The following DCLK3 variants were observed in gnomAD, a reference collection of about 807,000 sequenced individuals.
The protein encoded by DCLK3 is serine/threonine-protein kinase DCLK3.
Under a neutral mutation model 46.4 loss-of-function variants are expected in DCLK3, and 30 were observed. The observed-to-expected ratio is 0.65, with a 90% CI of 0.48 to 0.88. The LOEUF is 0.88. Among genes scored for constraint, DCLK3 ranks in the 40% least tolerant of loss-of-function variants. DCLK3 has a pLI of 0.00. For synonymous variants in DCLK3, 401 were observed against 339.2 expected, an observed-to-expected ratio of 1.18 and a Z score of -2.00; for missense variants, 846 against 907.1, an observed-to-expected ratio of 0.93 and a Z score of 0.87.
chr3:36,736,407 G>T (rs564647753), intron 2 of DCLK3, among the ~76,000 whole-genome samples: 1 of 152,282 alleles, frequency 6.6e-6, no homozygotes, highest in Admixed American at 6.5e-5. Context: ...TCTGCATTTG[G>T]ACATCAGTAT....
rs200297338 is a variant in DCLK3, at chr3:36,737,346, G to A, written c.1821C>T (p.Asp607=). The change falls in exon 2 of 5, where the codon GAC becomes GAT. Residue 607 remains aspartate (D), a synonymous_variant. Coordinates refer to ENST00000636136, the MANE Select transcript of DCLK3 (RefSeq NM_001394672.2). The surrounding 1 kb of genome is among the most constrained non-coding windows in gnomAD (Gnocchi z 4.4). ...YLILEYVQGG[D]LFDAIIESVK... is the part of the protein sequence containing the mutation. ...CACTTTCTATGATGGCGTCAAAAAGGTCTCCTCCCTGCACGTACTCCAGGA... is the reference window on the plus strand; with the variant it reads ...CACTTTCTATGATGGCGTCAAAAAGATCTCCTCCCTGCACGTACTCCAGGA... The A allele has an allele frequency of 1.2e-5, 19 of 1,614,106 alleles. No individual in the cohort carries two copies. Among genetic ancestry groups the A allele is most frequent in the Admixed American group, 1.7e-5 (1 of 60,014 alleles).
chr3:36,731,876 T>C (rs1468446828), intron 2 of DCLK3, among the ~76,000 whole-genome samples: 1 of 152,188 alleles, frequency 6.6e-6, no homozygotes, highest in Non-Finnish European at 1.5e-5. Context: ...AGGGTTTCTG[T>C]TGCAATTAGA....
intron 4 of DCLK3, among the ~76,000 whole-genome samples, chr3:36,717,556 T>C (rs1222803195): frequency 1.3e-5 from 2 of 152,208 alleles, no homozygotes; most frequent in Non-Finnish European, 2.9e-5. Context: ...GGGAGGACCA[T>C]GCATGCTCCA....
At chr3:36,735,140 C>T (rs1701245860) in intron 2 of DCLK3, among the ~76,000 whole-genome samples, 1 of 152,146 alleles carries the variant, frequency 6.6e-6, no homozygotes, top group African/African-American at 2.4e-5. Context: ...CCTCAGGCCT[C>T]GAAAGGGATC....
At chr3:36,745,486 C>T (rs1335897295) in intron 1 of DCLK3, among the ~76,000 whole-genome samples, 1 of 152,178 alleles carries the variant, frequency 6.6e-6, no homozygotes, top group Non-Finnish European at 1.5e-5. Flanking sequence ...TGGTCATATT[C>T]AATACAACAA....
intron 1 of DCLK3, among the ~76,000 whole-genome samples, chr3:36,740,827 A>T (rs1334792171): frequency 6.6e-6 from 1 of 152,244 alleles, no homozygotes; most frequent in African/African-American, 2.4e-5. Context: ...AAAGAAATTT[A>T]AAATAATCAT....
At chr3:36,723,790 G>A (rs1295779835) in intron 2 of DCLK3, among the ~76,000 whole-genome samples, 1 of 152,230 alleles carries the variant, frequency 6.6e-6, no homozygotes, top group Non-Finnish European at 1.5e-5. Flanking sequence ...AAAGTTTGCT[G>A]CAGGGGAGGG....
chr3:36,734,565 A>G (rs1480886199), intron 2 of DCLK3, among the ~76,000 whole-genome samples: 1 of 152,176 alleles, frequency 6.6e-6, no homozygotes, highest in East Asian at 1.9e-4. Flanking sequence ...GTATACACAT[A>G]TACACATATA....
intron 2 of DCLK3, among the ~76,000 whole-genome samples, chr3:36,733,815 C>T (rs989504112): frequency 6.6e-6 from 1 of 152,136 alleles, no homozygotes; most frequent in Non-Finnish European, 1.5e-5. Context: ...AAATTTTACT[C>T]TAGGGCACAA....
In DCLK3 at chr3:36,737,901, T is replaced by C. The variant is rs1378689073; in HGVS notation, c.1266A>G (p.Thr422=). The C allele has an allele frequency of 6.2e-7, 1 of 1,613,948 alleles. No homozygotes were observed. The highest frequency in any genetic ancestry group is 8.5e-7 in the Non-Finnish European group (1 of 1,180,044). ...TCTTCACCTCCCTCAGCCCCTCCTCTGTGACAGGAAGAACTTCCACAAGGT... is the reference window on the plus strand; with the variant it reads ...TCTTCACCTCCCTCAGCCCCTCCTCCGTGACAGGAAGAACTTCCACAAGGT... ...KKDLVEVLPV[T]EEGLREVKKD... Residue 422 remains threonine (T), a synonymous_variant, in exon 2 of 5, where the codon ACA becomes ACG. Coordinates refer to ENST00000636136, the MANE Select transcript of DCLK3 (RefSeq NM_001394672.2). The surrounding 1 kb of genome is among the most constrained non-coding windows in gnomAD (Gnocchi z 4.4).
At position 36,739,013 on chromosome 3, in the gene DCLK3, A is replaced by G. The variant is rs930052382; in HGVS notation, c.154T>C (p.Ser52Pro). ...TTCCCTCGGCTGGCAGGCAGCCAGG[A>G]GCCTTGCAGCTTCCGCTCTGTGATT... Reference protein sequence around the residue: ...SRITERKLQGSWLPASRGNLE... With the variant: ...SRITERKLQGPWLPASRGNLE... Residue 52 changes from serine to proline, a missense_variant, in exon 2 of 5, where the codon TCC (serine) becomes CCC (proline). By Grantham distance (74) the Ser-to-Pro change is moderately conservative (BLOSUM62 -1). This residue lies in a region of DCLK3 where 553 missense variants were observed against 543.0 expected (regional missense o/e 1.02). Coordinates refer to ENST00000636136, the MANE Select transcript of DCLK3 (RefSeq NM_001394672.2). 2.5e-6 allele frequency: 1 copy of G among 398,844 alleles called. No homozygotes were observed. Among genetic ancestry groups the G allele is most frequent in the Non-Finnish European group, 4.4e-6 (1 of 226,106 alleles). The allele number at this position is 398,844 out of a possible 1,614,324, so 24.7% of individuals were successfully genotyped here.
Position 36,713,898 on chromosome 3 carries a change from G to A in DCLK3, c.*1430C>T, listed in dbSNP as rs1452719513. On this transcript the variant is annotated 3_prime_UTR_variant, in exon 5 of 5. Transcript: ENST00000636136. ...ATTTGATATAGCCTGCTTCAGGAGG[G>A]AGCTGAAAGGTGTCTCTTCCAGTGG... 2 of 152,260 alleles carry A rather than the reference G, an allele frequency of 1.3e-5. No homozygotes were observed. Among genetic ancestry groups the A allele is most frequent in the Non-Finnish European group, 2.9e-5 (2 of 68,124 alleles). 9.4% of individuals were successfully genotyped at this position (152,260 alleles called of 1,614,324 possible). A position where few individuals can be genotyped will look rare whatever the true frequency, so the allele number is the denominator to read the frequency against.
At chr3:36,748,470 C>T (rs1483457021) in intron 1 of DCLK3, among the ~76,000 whole-genome samples, 1 of 152,152 alleles carries the variant, frequency 6.6e-6, no homozygotes. Context: ...GCCCCAGGAC[C>T]CAGGGCAGCC....
At chr3:36,742,108 T>C (rs1701349494) in intron 1 of DCLK3, among the ~76,000 whole-genome samples, 1 of 152,146 alleles carries the variant, frequency 6.6e-6, no homozygotes, top group Non-Finnish European at 1.5e-5. Context: ...AAAGCAGTGT[T>C]CATGAAACAG....
chr3:36,720,252 T>A (rs1354528606), intron 3 of DCLK3, among the ~76,000 whole-genome samples: 2 of 152,308 alleles, frequency 1.3e-5, no homozygotes, highest in East Asian at 3.9e-4. Flanking sequence ...CCTGTCACCT[T>A]CCACCATGAG....
chr3:36,718,825 A>G (rs1445848501), intron 3 of DCLK3, among the ~76,000 whole-genome samples: 1 of 152,124 alleles, frequency 6.6e-6, no homozygotes, highest in Non-Finnish European at 1.5e-5. Context: ...ACACTGGTAT[A>G]CAACACACAC....
At chr3:36,748,009 G>A (rs2125535322) in intron 1 of DCLK3, among the ~76,000 whole-genome samples, 1 of 152,322 alleles carries the variant, frequency 6.6e-6, no homozygotes, top group Non-Finnish European at 1.5e-5. Context: ...CAGTGGGGGT[G>A]AGGGGATCAT....
chr3:36,757,427 A>G (rs1266888010), intron 1 of DCLK3, among the ~76,000 whole-genome samples: 1 of 152,206 alleles, frequency 6.6e-6, no homozygotes, highest in East Asian at 1.9e-4. Flanking sequence ...GACAGCTTCT[A>G]GCTCAGAACC....
chr3:36,734,455 A>C (rs17197692), intron 2 of DCLK3, among the ~76,000 whole-genome samples: 7,382 of 152,280 alleles, frequency 0.048, 271 homozygotes, highest in Non-Finnish European at 0.069. Context: ...AGATGGCTCA[A>C]ATATGCAGCT....
Sources: gnomAD v4.1 joint callset for allele counts (sites outside exome capture counted in the v4.1 genomes callset) on GRCh38, gnomAD v4.1.1 for gene constraint, gnomAD v4.1.1 regional missense constraint, Gnocchi (gnomAD v3.1) non-coding constraint, MANE v1.5 for transcripts, NCBI Gene and HGNC (gene_info 2026-07-23, HGNC 2026-07-21) for gene names.